MICALL2: variants seen among roughly 807,000 people sequenced by gnomAD.
MICALL2 encodes the protein MICAL like 2.
In MICALL2, 111 loss-of-function variants were observed where a neutral mutation model predicts 91.1. The observed-to-expected ratio is 1.22, with a 90% CI of 1.04 to 1.43. MICALL2 has a LOEUF of 1.43. Ranked by LOEUF, MICALL2 falls within the 40% of genes most tolerant of loss-of-function variation. The pLI, the probability that MICALL2 is intolerant of heterozygous loss-of-function variation, is 0.00. For synonymous variants in MICALL2, 694 were observed against 525.3 expected (o/e 1.32, Z -4.39); for missense variants, 1,556 against 1,236.0 (o/e 1.26, Z -3.88).
chr7:1,455,113 C>A (rs539504608), intron 1 of MICALL2, among the ~76,000 whole-genome samples: 5 of 152,362 alleles, frequency 3.3e-5, no homozygotes, highest in African/African-American at 4.8e-5. Context: ...GCGCCACGCA[C>A]AACGCCTGCC....
Position 1,437,505 on chromosome 7 carries a change from GGCCCCTTGGCTGGC to G in MICALL2, c.2476+16_2476+29del. 6.7e-7 allele frequency: 1 copy of G among 1,500,810 alleles called. No individual in the cohort carries two copies. The highest frequency in any genetic ancestry group is 1.3e-5 in the South Asian group (1 of 79,784). The allele number at this position is 1,500,810 out of a possible 1,614,324, so 93.0% of individuals were successfully genotyped here. ...TGGGCTCCGCGGCATCCCTGGCTGG[GGCCCCTTGGCTGGC>G]GCGCGGGGGACGCACCGGGCTTGGC... is the stretch of plus-strand genomic sequence containing the variant. On this transcript the variant is annotated intron_variant, in intron 14 of 16. Transcript: ENST00000297508.
chr7:1,439,611 TCAC>T, intron 9 of MICALL2: 1 of 288,062 alleles, frequency 3.5e-6, no homozygotes, highest in East Asian at 5.6e-5. Flanking sequence ...GCATCACACA[TCAC>T]ATACATGAAC....
chr7:1,452,805 C>G lies in MICALL2; in HGVS notation c.144-2517G>C, dbSNP rs1243672733. Among the ~76,000 whole-genome samples, 8 of 152,156 alleles carry G rather than the reference C, an allele frequency of 5.3e-5. No individual in the cohort carries two copies. The highest frequency in any genetic ancestry group is 1.0e-4 in the Non-Finnish European group (7 of 68,026). On this transcript the variant is annotated intron_variant, in intron 1 of 16. Transcript: ENST00000297508. This position sits in a 1 kb window ranked among gnomAD's most constrained non-coding sequence, Gnocchi z 6.2. The stretch of plus-strand genomic sequence containing the variant: ...AGCATCGCGGCCTCAGGATGAGGTT[C>G]AAGCTGCATTCGGGGCGTTTGAGGC...
intron 2 of MICALL2, among the ~76,000 whole-genome samples, chr7:1,449,972 TC>T (rs1562465451): frequency 6.6e-6 from 1 of 151,946 alleles, no homozygotes. Flanking sequence ...TGAAGTAGGG[TC>T]CCCAGCCACC....
intron 2 of MICALL2, among the ~76,000 whole-genome samples, chr7:1,449,594 G>C (rs1044326990): frequency 6.6e-5 from 10 of 152,222 alleles, no homozygotes; most frequent in African/African-American, 1.9e-4. Flanking sequence ...AGTGCCGGCC[G>C]GGCAGGTATG....
chr7:1,442,248 G>C lies in MICALL2; in HGVS notation c.1655C>G (p.Ser552Cys), dbSNP rs774452651. ...CATCGGGGCCTCTGGCTTCGGCCTG[G>C]AGCCAGCACCCACCCTGCCGACCCC... ...SSGVGRVGAGSRPKPEAPMAK... is the reference protein window; with the variant it reads ...SSGVGRVGAGCRPKPEAPMAK... The change falls in exon 7 of 17, where the codon TCC becomes TGC. Residue 552 changes from serine (S) to cysteine (C), a missense_variant. By Grantham distance (112) the Ser-to-Cys change is moderately radical (BLOSUM62 -1). Transcript: ENST00000297508. 3.1e-6 allele frequency: 5 copies of C among 1,612,860 alleles called. No homozygotes were observed. The highest frequency in any genetic ancestry group is 4.2e-6 in the Non-Finnish European group (5 of 1,179,928).
chr7:1,447,057 G>C (rs995217236), intron 4 of MICALL2, among the ~76,000 whole-genome samples: 1 of 152,238 alleles, frequency 6.6e-6, no homozygotes. Flanking sequence ...GTGGTCCTTC[G>C]GTGGCTGGGG....
Position 1,447,713 on chromosome 7 carries a change from C to A in MICALL2, c.387G>T (p.Pro129=). The change falls in exon 4 of 17, where the codon CCG becomes CCT. Residue 129 remains proline (P), a synonymous_variant. Transcript: ENST00000297508. ...KRASEDSEEE[P]SGKKAPVQAA... ...CCTGGACTGGAGCCTTCTTCCCTGA[C>A]GGCTCCTCCTCAGAGTCCTCCGAGG... is the stretch of plus-strand genomic sequence containing the variant. The A allele has an allele frequency of 6.3e-7, 1 of 1,577,232 alleles. No homozygotes were observed. Among genetic ancestry groups the A allele is most frequent in the Non-Finnish European group, 8.6e-7 (1 of 1,162,410 alleles).
Position 1,437,936 on chromosome 7 carries a change from G to C in MICALL2, c.2356C>G (p.His786Asp), listed in dbSNP as rs1310345943. 2.6e-6 allele frequency: 4 copies of C among 1,549,788 alleles called. No individual in the cohort carries two copies. The East Asian group carries it at 9.7e-5, about 38-fold the overall frequency. Residue 786 changes from histidine to aspartate, a missense_variant, in exon 13 of 17, where the codon CAC (histidine) becomes GAC (aspartate). Coordinates refer to ENST00000297508, the MANE Select transcript of MICALL2 (RefSeq NM_182924.4). ...TGTCTCAGCAGAAGCTGCTTCTCGT[G>C]AATGAGCCAGAACCAGTCCACCATG... ...SLMVDWFWLI[H>D]EKQLLLRQES...
chr7:1,444,928 G>A lies in MICALL2; in HGVS notation c.1142C>T (p.Ala381Val), dbSNP rs558876612. The A allele has an allele frequency of 3.3e-6, 5 of 1,528,642 alleles. No homozygotes were observed. Among genetic ancestry groups the A allele is most frequent in the East Asian group, 4.8e-5 (2 of 41,846 alleles). 94.7% of individuals were successfully genotyped at this position (1,528,642 alleles called of 1,614,324 possible). Residue 381 changes from alanine to valine, a missense_variant, in exon 6 of 17, where the codon GCC becomes GTC. Coordinates refer to ENST00000297508, the MANE Select transcript of MICALL2 (RefSeq NM_182924.4). ...GGTTTGAGGAGCTGCCACTCGGGGGGCTCCCCCACCCTGGGGTGTGGCCGG... is the reference window on the plus strand; with the variant it reads ...GGTTTGAGGAGCTGCCACTCGGGGGACTCCCCCACCCTGGGGTGTGGCCGG... ...PRPATPQGGGAPRVAAPQTTL... is the reference protein window; with the variant it reads ...PRPATPQGGGVPRVAAPQTTL...
intron 15 of MICALL2, among the ~76,000 whole-genome samples, chr7:1,436,043 ACT>A (rs1246362958): frequency 5.4e-5 from 8 of 147,874 alleles, no homozygotes; most frequent in Non-Finnish European, 1.0e-4. Flanking sequence ...ACAGAGCAAG[ACT>A]CTGTCTCAAA....
In MICALL2 at chr7:1,434,521, G is replaced by A; in HGVS notation, c.*75C>T. 1 of 1,347,454 alleles carries A rather than the reference G, an allele frequency of 7.4e-7. No homozygotes were observed. Among genetic ancestry groups the A allele is most frequent in the Non-Finnish European group, 1.1e-6 (1 of 938,588 alleles). The allele number at this position is 1,347,454 out of a possible 1,614,324, so 83.5% of individuals were successfully genotyped here. A position where few individuals can be genotyped will look rare whatever the true frequency, so the allele number is the denominator to read the frequency against. On this transcript the variant is annotated 3_prime_UTR_variant, in exon 17 of 17. Transcript: ENST00000297508. ...CCCCGAGTACAAGTCCGGGTTCCGG[G>A]TCCGGGCCAAGCCCATGGCCCCGAG...
At position 1,456,889 on chromosome 7, in the gene MICALL2, C is replaced by G. The variant is rs75116869; in HGVS notation, c.143+2295G>C. ...CAGCCAGGGTCTACAGAGGCCCCCA[C>G]GCCCCAACACCCATGGAAGCCTGTA... On this transcript the variant is annotated intron_variant, in intron 1 of 16. Coordinates refer to ENST00000297508, the MANE Select transcript of MICALL2 (RefSeq NM_182924.4). Among the ~76,000 whole-genome samples the G allele has an allele frequency of 9.6e-3, 1,470 of 152,332 alleles. 21 individuals are homozygous for G. The highest frequency in any genetic ancestry group is 0.033 in the African/African-American group (1,370 of 41,566).
At position 1,459,345 on chromosome 7, in the gene MICALL2, G is replaced by T; in HGVS notation, c.-19C>A. 1 of 1,502,804 alleles carries T rather than the reference G, an allele frequency of 6.7e-7. No homozygotes were observed. Among genetic ancestry groups the T allele is most frequent in the Admixed American group, 2.3e-5 (1 of 43,462 alleles). 93.1% of individuals were successfully genotyped at this position (1,502,804 alleles called of 1,614,324 possible). ...CCGCCATGTGGGCGGCGCGCCCGCC[G>T]CGCGGCGGAACCGCCCTCCGACACC... is the stretch of plus-strand genomic sequence containing the variant. On this transcript the variant is annotated 5_prime_UTR_variant, in exon 1 of 17. Transcript: ENST00000297508.
chr7:1,446,692 G>A, intron 5 of MICALL2, 21 bp downstream of exon 5: 3 of 1,543,286 alleles, frequency 1.9e-6, no homozygotes, highest in East Asian at 2.4e-5. Flanking sequence ...ACTCAGGCGT[G>A]CGGGCAGAGG....
At position 1,459,178 on chromosome 7, in the gene MICALL2, A is replaced by T; in HGVS notation, c.143+6T>A. 6.2e-7 allele frequency: 1 copy of T among 1,607,752 alleles called. No individual in the cohort carries two copies. Among genetic ancestry groups the T allele is most frequent in the Non-Finnish European group, 8.5e-7 (1 of 1,177,280 alleles). On this transcript the variant is annotated splice_donor_region_variant and intron_variant, in intron 1 of 16. Transcript: ENST00000297508. Reference sequence around the variant, plus strand: ...GAAGAATCAAAGGGCGCCAGGCAGGACTTACATGAGGTCGGGCCGGTGGCG... The same window carrying T: ...GAAGAATCAAAGGGCGCCAGGCAGGTCTTACATGAGGTCGGGCCGGTGGCG...
In MICALL2 at chr7:1,444,923, G is replaced by A. The variant is rs200045265; in HGVS notation, c.1147C>T (p.Arg383Ter). 7.9e-5 allele frequency: 121 copies of A among 1,536,892 alleles called. 1 individual carries two copies. The East Asian group carries it at 2.0e-3, about 25-fold the overall frequency. The change falls in exon 6 of 17, where the codon CGA (arginine) becomes TGA (stop). Residue 383 changes from arginine to a stop codon, truncating the protein, a stop_gained. Coordinates refer to ENST00000297508, the MANE Select transcript of MICALL2 (RefSeq NM_182924.4). LOFTEE classifies it high-confidence loss of function. Reference protein sequence around the residue: ...PATPQGGGAPRVAAPQTTLSS... With the variant: ...PATPQGGGAP ...AGTGTGGTTTGAGGAGCTGCCACTC[G>A]GGGGGCTCCCCCACCCTGGGGTGTG...
chr7:1,434,651 T>G lies in MICALL2; in HGVS notation c.2660A>C (p.Lys887Thr), dbSNP rs138745697. 4.3e-3 allele frequency: 6,767 copies of G among 1,567,926 alleles called. 60 individuals carry two copies. Among genetic ancestry groups the G allele is most frequent in the Middle Eastern group, 0.021 (120 of 5,836 alleles). ...TGACCAGATCTTGGACAAGCGGAACTTGGACTTCTTCCTCTGGAGGCCTAG... is the reference window on the plus strand; with the variant it reads ...TGACCAGATCTTGGACAAGCGGAACGTGGACTTCTTCCTCTGGAGGCCTAG... ...EKLGLQRKKS[K>T]FRLSKIWSPK... Residue 887 changes from lysine (K) to threonine (T), a missense_variant, in exon 17 of 17, where the codon AAG (lysine) becomes ACG (threonine). By Grantham distance (78) the Lys-to-Thr change is moderately conservative. Transcript: ENST00000297508.
At position 1,445,245 on chromosome 7, in the gene MICALL2, C is replaced by A; in HGVS notation, c.825G>T (p.Lys275Asn). ...VDSRTSCSPQKAQEANKARPS... is the reference protein window; with the variant it reads ...VDSRTSCSPQNAQEANKARPS... ...GTCTGGCCTTGTTTGCCTCCTGGGC[C>A]TTCTGTGGGGAACAGGAGGTCCTGG... Residue 275 changes from lysine (K) to asparagine (N), a missense_variant, in exon 6 of 17, where the codon AAG becomes AAT. By Grantham distance (94) the Lys-to-Asn change is moderately conservative. Coordinates refer to ENST00000297508, the MANE Select transcript of MICALL2 (RefSeq NM_182924.4). The A allele has an allele frequency of 6.2e-7, 1 of 1,612,268 alleles. No homozygotes were observed. The highest frequency in any genetic ancestry group is 8.5e-7 in the Non-Finnish European group (1 of 1,179,760).
Sources: allele counts gnomAD v4.1 joint callset (sites outside exome capture counted in the v4.1 genomes callset), GRCh38; gene constraint gnomAD v4.1.1; non-coding constraint Gnocchi (gnomAD v3.1); transcripts MANE v1.5; gene names NCBI Gene and HGNC (gene_info 2026-07-23, HGNC 2026-07-21).